GHITM: variants seen among roughly 807,000 people sequenced by gnomAD.
GHITM encodes growth hormone-inducible transmembrane protein.
In GHITM, 24 loss-of-function variants were observed where a neutral mutation model predicts 38.7. That is an observed-to-expected ratio of 0.62 (90% CI 0.45 to 0.87). The LOEUF is 0.87. Ranked by LOEUF, GHITM falls within the 40% of genes least tolerant of loss-of-function variation. GHITM has a pLI of 0.00. For synonymous variants in GHITM, 154 were observed against 147.8 expected (o/e 1.04, Z -0.30); for missense variants, 420 against 429.8 (o/e 0.98, Z 0.20).
chr10:84,141,444 G>T lies in GHITM; in HGVS notation c.-39-18G>T. The stretch of plus-strand genomic sequence containing the variant: ...TACTTATGTTTTTTTGGTTGGTTTT[G>T]CCTTTTTTTTAAACTAGCATTTCAG... On this transcript the variant is annotated intron_variant, in intron 1 of 8. Coordinates refer to ENST00000372134, the MANE Select transcript of GHITM (RefSeq NM_014394.3). 1.3e-6 allele frequency: 2 copies of T among 1,569,008 alleles called. No homozygotes were observed. Among genetic ancestry groups the T allele is most frequent in the Admixed American group, 1.7e-5 (1 of 57,594 alleles).
In GHITM at chr10:84,142,708, A is replaced by C. The variant is rs373003612; in HGVS notation, c.183A>C (p.Glu61Asp). ...TCCGGCGTGGGAGAACTGGCCAAGA[A>C]CTCAAAGAGGCAGCATTGGAACCAT... ...IGIRRGRTGQ[E>D]LKEAALEPSM... The change falls in exon 3 of 9, where the codon GAA (glutamate) becomes GAC (aspartate). Residue 61 changes from glutamate (E) to aspartate (D), a missense_variant. Physicochemically the swap from Glu to Asp is conservative, Grantham distance 45 (BLOSUM62 2). Transcript: ENST00000372134. 14 of 1,612,758 alleles carry C rather than the reference A, an allele frequency of 8.7e-6. No homozygotes were observed. In the African/African-American group the frequency reaches 1.3e-4, roughly 15 times the overall value.
intron 1 of GHITM, chr10:84,140,068 A>G (rs752084901): frequency 6.6e-6 from 1 of 151,998 alleles, no homozygotes; most frequent in Non-Finnish European, 1.5e-5. Flanking sequence ...TAGCAACGAC[A>G]TCTGAGTCTT....
intron 1 of GHITM, among the ~76,000 whole-genome samples, chr10:84,141,186 A>T (rs2132733149): frequency 6.6e-6 from 1 of 152,282 alleles, no homozygotes; most frequent in African/African-American, 2.4e-5. Context: ...GTTACACATA[A>T]TTTTTGCAGT....
chr10:84,146,452 C>T (rs1841557405), intron 5 of GHITM, among the ~76,000 whole-genome samples: 1 of 152,084 alleles, frequency 6.6e-6, no homozygotes, highest in Non-Finnish European at 1.5e-5. Context: ...ACACTGATTC[C>T]CCACATAGGG....
chr10:84,141,378 A>C, intron 1 of GHITM, 84 bp from the exon 2 acceptor site: 4 of 692,454 alleles, frequency 5.8e-6, no homozygotes, highest in Non-Finnish European at 7.4e-6. Flanking sequence ...CTTGACTCTG[A>C]CTCTCATATG....
In GHITM at chr10:84,152,640, C is replaced by G. The variant is rs373611275; in HGVS notation, c.*292C>G. ...AAGTTTGTGTCATGAGAATGTAAGT[C>G]TTTTTTCTACTTTAAAATTTAGTAG... On this transcript the variant is annotated 3_prime_UTR_variant, in exon 9 of 9. Coordinates refer to ENST00000372134, the MANE Select transcript of GHITM (RefSeq NM_014394.3). 7.7e-6 allele frequency: 2 copies of G among 261,430 alleles called. No individual in the cohort carries two copies. The highest frequency in any genetic ancestry group is 1.3e-4 in the South Asian group (1 of 7,690). The allele number at this position is 261,430 out of a possible 1,614,324, so 16.2% of individuals were successfully genotyped here.
At chr10:84,142,948 T>C (rs1434684125) in intron 3 of GHITM, among the ~76,000 whole-genome samples, 194 bp downstream of exon 3, 1 of 152,234 alleles carries the variant, frequency 6.6e-6, no homozygotes, top group African/African-American at 2.4e-5. Flanking sequence ...TTTCTTCCAG[T>C]GGAAATTTTA....
chr10:84,150,835 A>T lies in GHITM; in HGVS notation c.908A>T (p.Glu303Val). 2 of 1,611,644 alleles carry T rather than the reference A, an allele frequency of 1.2e-6. No homozygotes were observed. The highest frequency in any genetic ancestry group is 1.7e-6 in the Non-Finnish European group (2 of 1,178,144). ...YDTQKVIKRA[E>V]VSPMYGVQKY... ...ACCCAGAAAGTAATCAAGCGTGCAG[A>T]AGTATCACCAATGTATGGAGTTCAA... Residue 303 changes from glutamate (E) to valine (V), a missense_variant, in exon 8 of 9, where the codon GAA (glutamate) becomes GTA (valine). Glu to Val is a moderately radical substitution (Grantham distance 121). Coordinates refer to ENST00000372134, the MANE Select transcript of GHITM (RefSeq NM_014394.3).
At chr10:84,144,796 A>C (rs994989122) in intron 4 of GHITM, 79 bp from the exon 5 acceptor site, 1 of 821,342 alleles carries the variant, frequency 1.2e-6, no homozygotes, top group Non-Finnish European at 1.9e-6. Context: ...ATTTATCCCG[A>C]GGTCGCCCAG....
intron 8 of GHITM, among the ~76,000 whole-genome samples, chr10:84,151,498 T>G (rs960983504): frequency 1.3e-5 from 2 of 152,190 alleles, no homozygotes; most frequent in African/African-American, 4.8e-5. Context: ...ATTTTTTTGG[T>G]AGTGTATTTT....
Position 84,148,836 on chromosome 10 carries a change from C to G in GHITM, c.590C>G (p.Ser197Cys), listed in dbSNP as rs756970171. 3 of 1,572,478 alleles carry G rather than the reference C, an allele frequency of 1.9e-6. No individual in the cohort carries two copies. In the South Asian group the frequency reaches 3.3e-5, roughly 17 times the overall value. ...AAGCATCTTGCTTGGTTGCTACATTCTGGTATGTTCTGTTTTAAATTGTTA... is the reference window on the plus strand; with the variant it reads ...AAGCATCTTGCTTGGTTGCTACATTGTGGTATGTTCTGTTTTAAATTGTTA... ...GPKHLAWLLHSGVMGAVVAPL... is the reference protein window; with the variant it reads ...GPKHLAWLLHCGVMGAVVAPL... The change falls in exon 6 of 9, where the codon TCT becomes TGT. Residue 197 changes from serine (S) to cysteine (C), a missense_variant and splice_region_variant. Ser to Cys is a moderately radical substitution (Grantham distance 112, BLOSUM62 -1). Coordinates refer to ENST00000372134, the MANE Select transcript of GHITM (RefSeq NM_014394.3).
chr10:84,146,527 C>T (rs1841558163), intron 5 of GHITM, among the ~76,000 whole-genome samples: 1 of 152,120 alleles, frequency 6.6e-6, no homozygotes, highest in South Asian at 2.1e-4. Flanking sequence ...CAGTAGCAGC[C>T]ATTTGGATAT....
chr10:84,141,384 A>C (rs1193420979), intron 1 of GHITM, 78 bp from the exon 2 acceptor site: 6 of 799,230 alleles, frequency 7.5e-6, no homozygotes, highest in Non-Finnish European at 2.1e-6. Flanking sequence ...TCTGACTCTC[A>C]TATGTCCTTC....
intron 5 of GHITM, among the ~76,000 whole-genome samples, chr10:84,146,878 A>G (rs1477014590): frequency 1.3e-5 from 2 of 152,200 alleles, no homozygotes; most frequent in Non-Finnish European, 2.9e-5. Context: ...TATATATACA[A>G]ACACACACAT....
chr10:84,149,957 A>G (rs1841595223), intron 6 of GHITM, 98 bp from the exon 7 acceptor site: 1 of 969,766 alleles, frequency 1.0e-6, no homozygotes, highest in East Asian at 2.8e-5. Context: ...CATAGTGCTT[A>G]AACAGTAAGG....
intron 3 of GHITM, among the ~76,000 whole-genome samples, chr10:84,143,445 G>A (rs1164108430): frequency 6.6e-6 from 1 of 152,168 alleles, no homozygotes; most frequent in East Asian, 1.9e-4. Context: ...AAAAGAATAA[G>A]ATGCCCTTTA....
intron 1 of GHITM, chr10:84,139,937 G>A (rs370310417): frequency 2.1e-4 from 32 of 152,502 alleles, no homozygotes; most frequent in African/African-American, 7.0e-4. Flanking sequence ...GTTTGCTGCC[G>A]GGTTCTCATC....
At chr10:84,143,444 A>T (rs916334855) in intron 3 of GHITM, among the ~76,000 whole-genome samples, 1 of 152,224 alleles carries the variant, frequency 6.6e-6, no homozygotes, top group Non-Finnish European at 1.5e-5. Context: ...TAAAAGAATA[A>T]GATGCCCTTT....
At position 84,139,518 on chromosome 10, in the gene GHITM, G is replaced by C. The variant is rs761956292; in HGVS notation, c.-115G>C. ...CGATGTTGCGTCATGCAGTGCGCCG[G>C]AGGAACTGTGCTCTTTGAGGCCGAC... is the stretch of plus-strand genomic sequence containing the variant. On this transcript the variant is annotated 5_prime_UTR_variant, in exon 1 of 9. Coordinates refer to ENST00000372134, the MANE Select transcript of GHITM (RefSeq NM_014394.3). 1 of 152,284 alleles carries C rather than the reference G, an allele frequency of 6.6e-6. No homozygotes were observed. Among genetic ancestry groups the C allele is most frequent in the African/African-American group, 2.4e-5 (1 of 41,460 alleles). 9.4% of individuals were successfully genotyped at this position (152,284 alleles called of 1,614,324 possible).
Sources: allele counts gnomAD v4.1 joint callset (sites outside exome capture counted in the v4.1 genomes callset), GRCh38; gene constraint gnomAD v4.1.1; transcripts MANE v1.5; gene names NCBI Gene and HGNC (gene_info 2026-07-23, HGNC 2026-07-21).